NPC1: variants seen among roughly 807,000 people sequenced by gnomAD.
The protein encoded by NPC1 is Niemann-Pick C1 protein.
Under a neutral mutation model 140.4 loss-of-function variants are expected in NPC1, and 85 were observed. The ratio of observed to expected loss-of-function variants is 0.61; its 90% CI spans 0.51 to 0.72. NPC1 has a LOEUF of 0.72. Among genes scored for constraint, NPC1 ranks in the 30% least tolerant of loss-of-function variants. NPC1 has a pLI of 0.00. For synonymous variants in NPC1, 656 were observed against 624.8 expected (o/e 1.05, Z -0.74); for missense variants, 1,504 against 1,623.8 (o/e 0.93, Z 1.27).
chr18:23,532,973 G>A (rs1452829460), intron 24 of NPC1: 8 of 983,780 alleles, frequency 8.1e-6, no homozygotes, highest in Non-Finnish European at 9.7e-6. Flanking sequence ...GGAAATCCAT[G>A]AGGGACATAA....
chr18:23,572,908 A>G (rs2059224204), intron 2 of NPC1, among the ~76,000 whole-genome samples: 1 of 152,206 alleles, frequency 6.6e-6, no homozygotes, highest in South Asian at 2.1e-4. Flanking sequence ...TTGACTTTTG[A>G]TTACTTTAAG....
At chr18:23,509,084 G>A in intron 3 of NPC1, 1 of 390,956 alleles carries the variant, frequency 2.6e-6, no homozygotes, top group Non-Finnish European at 4.5e-6. Context: ...AAACATTCCG[G>A]GGAACGTTCA....
downstream of NPC1, chr18:23,526,857 C>G: frequency 6.7e-7 from 1 of 1,501,676 alleles, no homozygotes; most frequent in Non-Finnish European, 9.0e-7. Context: ...ATTGTTGTGT[C>G]TTGTCTGTGA....
chr18:23,532,165 C>T lies in NPC1; in HGVS notation c.*37G>A. 6.2e-7 allele frequency: 1 copy of T among 1,614,102 alleles called. No homozygotes were observed. Reference sequence around the variant, plus strand: ...CCGTCCAGTGGTAAACCGACCGACCCTTAGACACAGTTCAGTCAGGATGCC... The same window carrying T: ...CCGTCCAGTGGTAAACCGACCGACCTTTAGACACAGTTCAGTCAGGATGCC... On this transcript the variant is annotated 3_prime_UTR_variant, in exon 25 of 25. Transcript: ENST00000269228.
chr18:23,573,780 T>C (rs2059236290), intron 1 of NPC1, among the ~76,000 whole-genome samples: 1 of 152,196 alleles, frequency 6.6e-6, no homozygotes, highest in African/African-American at 2.4e-5. Context: ...GTAATGGAAA[T>C]TGCTTATTTA....
chr18:23,545,610 G>C (rs1271638355), intron 11 of NPC1, among the ~76,000 whole-genome samples: 2 of 152,190 alleles, frequency 1.3e-5, no homozygotes, highest in Non-Finnish European at 2.9e-5. Context: ...TTCCTGTTTT[G>C]AAATAGAGTC....
At chr18:23,522,545 A>ATTC (rs372151969) in exon 2 of NPC1, 2 of 152,366 alleles carry the variant, frequency 1.3e-5, no homozygotes, top group Non-Finnish European at 2.9e-5. Flanking sequence ...GCCCAAGACC[A>ATTC]TTCTTCTTCT....
At chr18:23,529,354 G>T, downstream of NPC1, 1 of 1,563,644 alleles carries the variant, frequency 6.4e-7, no homozygotes. Flanking sequence ...CAAGGAAGTT[G>T]CTGAAAACGA....
In NPC1 at chr18:23,509,194, C is replaced by A. The variant is rs745593018; in HGVS notation, c.432-2552G>T. 5 of 1,374,146 alleles carry A rather than the reference C, an allele frequency of 3.6e-6. No individual in the cohort carries two copies. The African/African-American group carries it at 6.0e-5, about 16-fold the overall frequency. 85.1% of individuals were successfully genotyped at this position (1,374,146 alleles called of 1,614,324 possible). ...ATATTTTTAAAAAATTTTTCTTAGA[C>A]TAAGAATGCCAACATTCTAGGATTC... On this transcript the variant is annotated intron_variant, in intron 3 of 3. Transcript: ENST00000591107.
intron 1 of NPC1, among the ~76,000 whole-genome samples, chr18:23,577,749 G>C (rs1213739430): frequency 6.6e-6 from 1 of 152,238 alleles, no homozygotes; most frequent in East Asian, 1.9e-4. Context: ...CTGGCATGGC[G>C]GGCTGCAGGT....
intron 9 of NPC1, 41 bp from the exon 10 acceptor site, chr18:23,551,768 C>G (rs2058876648): frequency 7.6e-7 from 1 of 1,319,088 alleles, no homozygotes; most frequent in African/African-American, 1.4e-5. Flanking sequence ...TTAGAAGGGC[C>G]TCAAGACATC....
intron 7 of NPC1, 143 bp downstream of exon 7, chr18:23,556,974 G>A (rs1403837829): frequency 1.3e-6 from 1 of 762,650 alleles, no homozygotes. Flanking sequence ...ACAAAGGCAA[G>A]GACCATGTCT....
intron 1 of NPC1, among the ~76,000 whole-genome samples, chr18:23,579,717 C>T (rs973534994): frequency 6.6e-6 from 1 of 152,006 alleles, no homozygotes; most frequent in African/African-American, 2.4e-5. Context: ...AGTGAAACCC[C>T]GTCTCTACTA....
chr18:23,569,107 T>TAC, intron 3 of NPC1, 109 bp from the exon 4 acceptor site: 1 of 776,546 alleles, frequency 1.3e-6, no homozygotes, highest in Non-Finnish European at 2.1e-6. Flanking sequence ...AGTGACAAAT[T>TAC]ACCAAGAGAA....
chr18:23,551,966 G>A (rs2058879393), intron 9 of NPC1, among the ~76,000 whole-genome samples: 2 of 152,216 alleles, frequency 1.3e-5, no homozygotes, highest in Admixed American at 1.3e-4. Context: ...ATGGCGCTAT[G>A]CAGGCACAGA....
intron 3 of NPC1, among the ~76,000 whole-genome samples, chr18:23,569,798 A>G (rs754532055): frequency 3.7e-4 from 56 of 152,204 alleles, no homozygotes; most frequent in Non-Finnish European, 6.6e-4. Flanking sequence ...GGCTGCATGC[A>G]CTTCAGGAGC....
At position 23,554,806 on chromosome 18, in the gene NPC1, T is replaced by G; in HGVS notation, c.1505A>C (p.Asp502Ala). The part of the protein sequence containing the change: ...HSVLDHKKGD[D>A]FFVYADYHTH... ...GTGGTAATCGGCATACACAAAGAAG[T>G]CGTCCCCTTTCTTGTGGTCCAGCAC... The change falls in exon 9 of 25, where the codon GAC becomes GCC. Residue 502 changes from aspartate to alanine, a missense_variant. Asp to Ala is a moderately radical substitution (Grantham distance 126, BLOSUM62 -2). Transcript: ENST00000269228. 1.2e-6 allele frequency: 2 copies of G among 1,614,084 alleles called. No individual in the cohort carries two copies. The highest frequency in any genetic ancestry group is 2.2e-5 in the South Asian group (2 of 91,076).
chr18:23,562,900 A>G (rs2059064901), intron 4 of NPC1, among the ~76,000 whole-genome samples: 1 of 152,192 alleles, frequency 6.6e-6, no homozygotes, highest in Admixed American at 6.5e-5. Context: ...CATGTAATTT[A>G]CAATTTACCC....
At chr18:23,530,046 G>A (rs766345369), downstream of NPC1, 7 of 1,613,936 alleles carry the variant, frequency 4.3e-6, no homozygotes, top group East Asian at 4.5e-5. Flanking sequence ...ACATGAACTT[G>A]TTATCAAAAC....
Sources: allele counts gnomAD v4.1 joint callset (sites outside exome capture counted in the v4.1 genomes callset), GRCh38; gene constraint gnomAD v4.1.1; transcripts MANE v1.5; gene names NCBI Gene and HGNC (gene_info 2026-07-23, HGNC 2026-07-21).